RTN4: variants seen among roughly 807,000 people sequenced by gnomAD.
RTN4 encodes the protein reticulon-4.
A neutral mutation model predicts 90.4 loss-of-function variants in RTN4; 32 were observed. The observed-to-expected ratio is 0.35, with a 90% CI of 0.27 to 0.48. RTN4 has a LOEUF of 0.48. Ranked by LOEUF, RTN4 falls within the 20% of genes least tolerant of loss-of-function variation. The pLI, the probability that RTN4 is intolerant of heterozygous loss-of-function variation, is 0.99. For missense variants in RTN4, 1,706 were observed against 1,430.2 expected, an observed-to-expected ratio of 1.19 and a Z score of -3.11; for synonymous variants, 629 against 552.5, an observed-to-expected ratio of 1.14 and a Z score of -1.94.
chr2:55,013,982 A>T (rs1680842685), intron 3 of RTN4, among the ~76,000 whole-genome samples: 1 of 152,222 alleles, frequency 6.6e-6, no homozygotes. Context: ...CATGTTTTTT[A>T]AAAAATAAGA....
Position 54,972,641 on chromosome 2 carries a change from TAACAGTAA to T in RTN4, c.*507_*514del. 6.5e-6 allele frequency: 1 copy of T among 152,738 alleles called. No homozygotes were observed. The highest frequency in any genetic ancestry group is 3.2e-3 in the Middle Eastern group (1 of 316). 9.5% of individuals were successfully genotyped at this position (152,738 alleles called of 1,614,324 possible). Reference sequence around the variant, plus strand: ...TATTTACTTATATTGGCAATTAATATAACAGTAAAAGTCACAATACACCTAGAACATAC... The same window carrying T: ...TATTTACTTATATTGGCAATTAATATAAGTCACAATACACCTAGAACATAC... On this transcript the variant is annotated 3_prime_UTR_variant, in exon 9 of 9. Transcript: ENST00000337526.
In RTN4 at chr2:54,987,483, C is replaced by T. The variant is rs140361549; in HGVS notation, c.3221+8G>A. ...GCCAATGCATGCCTTGTTTTCCAGA[C>T]ATCTCACCTGAATGGGTGGCCTTCA... On this transcript the variant is annotated splice_region_variant and intron_variant, in intron 4 of 8. Coordinates refer to ENST00000337526, the MANE Select transcript of RTN4 (RefSeq NM_020532.5). 37 of 1,596,758 alleles carry T rather than the reference C, an allele frequency of 2.3e-5. No homozygotes were observed. In the African/African-American group the frequency reaches 3.7e-4, roughly 16 times the overall value.
chr2:55,031,060 G>A (rs1174950426), intron 1 of RTN4, among the ~76,000 whole-genome samples: 4 of 152,076 alleles, frequency 2.6e-5, no homozygotes, highest in African/African-American at 7.2e-5. Flanking sequence ...TTTCACATAC[G>A]AGAAAAGAGG....
chr2:55,078,261 T>C lies in RTN4; in HGVS notation c.-63+2228A>G, dbSNP rs563817983. Among the ~76,000 whole-genome samples, 26 of 152,320 alleles carry C rather than the reference T, an allele frequency of 1.7e-4. No individual in the cohort carries two copies. In the South Asian group the frequency reaches 5.2e-3, roughly 30 times the overall value. ...TTTATTTTTTTAAATTTACTATTTTTTGAGGCTTGCTCTGCTGCCCAGGCT... is the reference window on the plus strand; with the variant it reads ...TTTATTTTTTTAAATTTACTATTTTCTGAGGCTTGCTCTGCTGCCCAGGCT... On this transcript the variant is annotated intron_variant, in intron 2 of 3. Transcript: ENST00000427710.
intron 1 of RTN4, among the ~76,000 whole-genome samples, chr2:55,109,155 G>T (rs2972089): frequency 6.6e-6 from 1 of 151,712 alleles, no homozygotes; most frequent in Non-Finnish European, 1.5e-5. Context: ...ATACTGAAAT[G>T]AAAAAAACAG....
intron 3 of RTN4, among the ~76,000 whole-genome samples, chr2:54,994,243 T>A (rs1679242145): frequency 1.3e-5 from 2 of 152,172 alleles, no homozygotes; most frequent in African/African-American, 2.4e-5. Flanking sequence ...GTTTGTTCAA[T>A]CCTGATACCA....
At chr2:55,080,682 C>A (rs571612609) in intron 1 of RTN4, 1 of 152,252 alleles carries the variant, frequency 6.6e-6, no homozygotes, top group South Asian at 2.1e-4. Context: ...ATACTGAAAC[C>A]GTCTTTCTAA....
the RTN4 span, among the ~76,000 whole-genome samples, chr2:55,137,097 A>G: frequency 6.6e-6 from 1 of 152,204 alleles, no homozygotes; most frequent in African/African-American, 2.4e-5. Flanking sequence ...GGAAGCACGC[A>G]CTTCCGTCTG....
Position 55,071,543 on chromosome 2 carries a change from CAAAAA to C in RTN4, c.-63+8941_-63+8945del, listed in dbSNP as rs71410418. On this transcript the variant is annotated intron_variant, in intron 2 of 3. Transcript: ENST00000427710. The stretch of plus-strand genomic sequence containing the variant: ...GTATAGGAGAGGCACCATTTGCCAT[CAAAAA>C]AAAAAAAAAAAAAAAAAGCCAGTCA... 8.0e-5 allele frequency among the ~76,000 whole-genome samples: 8 copies of C among 99,512 alleles called. 1 individual carries two copies. The highest frequency in any genetic ancestry group is 1.2e-4 in the Admixed American group (1 of 8,306). 65.3% of individuals were successfully genotyped at this position (99,512 alleles called of 152,430 possible).
the RTN4 span, among the ~76,000 whole-genome samples, chr2:55,131,183 TCCTCC>T: frequency 6.6e-6 from 1 of 151,500 alleles, no homozygotes; most frequent in Non-Finnish European, 1.5e-5. Flanking sequence ...GCTCAAGTGA[TCCTCC>T]TTTTAACAAG....
chr2:55,073,075 T>G (rs1486656207), intron 2 of RTN4, among the ~76,000 whole-genome samples: 2 of 152,218 alleles, frequency 1.3e-5, no homozygotes, highest in Non-Finnish European at 2.9e-5. Flanking sequence ...GAGGCCAGAC[T>G]GGGTTTTACA....
At chr2:54,975,688 T>C (rs1044119663) in intron 5 of RTN4, among the ~76,000 whole-genome samples, 1 of 152,212 alleles carries the variant, frequency 6.6e-6, no homozygotes, top group Non-Finnish European at 1.5e-5. Context: ...CTAAAGCATA[T>C]ATCTTTCTCC....
intron 3 of RTN4, among the ~76,000 whole-genome samples, chr2:54,993,477 A>C (rs1679185815): frequency 6.6e-6 from 1 of 152,242 alleles, no homozygotes; most frequent in Non-Finnish European, 1.5e-5. Flanking sequence ...TCCCAAAGTT[A>C]ATGATACCAG....
At chr2:55,137,444 T>G in the RTN4 span, among the ~76,000 whole-genome samples, 1 of 152,092 alleles carries the variant, frequency 6.6e-6, no homozygotes, top group African/African-American at 2.4e-5. Context: ...CTGGACCACG[T>G]CAGTGGGAAT....
intron 1 of RTN4, among the ~76,000 whole-genome samples, chr2:55,104,097 C>T (rs1233887453): frequency 6.6e-6 from 1 of 151,560 alleles, no homozygotes; most frequent in East Asian, 1.9e-4. Context: ...GTTGCCCAGT[C>T]TGGAGTGCAG....
At chr2:54,973,937 TATTAAACTGGCAACTCAAG>T in intron 6 of RTN4, 70 bp from the exon 7 acceptor site, 4 of 1,350,546 alleles carry the variant, frequency 3.0e-6, no homozygotes, top group Non-Finnish European at 4.2e-6. Context: ...CTCAAAAAAC[TATTAAACTGGCAACTCAAG>T]ATAACCAAGC....
At chr2:55,022,292 C>G (rs1348284967) in intron 3 of RTN4, among the ~76,000 whole-genome samples, 3 of 152,140 alleles carry the variant, frequency 2.0e-5, no homozygotes, top group Non-Finnish European at 4.4e-5. Context: ...TTCTGAGACC[C>G]TTCTTTCTAC....
chr2:54,973,794 G>T, intron 7 of RTN4, 27 bp downstream of exon 7: 1 of 1,604,752 alleles, frequency 6.2e-7, no homozygotes, highest in South Asian at 1.1e-5. Flanking sequence ...GCTCTATTCT[G>T]AAGTCAGCAG....
the RTN4 span, among the ~76,000 whole-genome samples, chr2:55,130,137 A>G: frequency 6.6e-6 from 1 of 152,246 alleles, no homozygotes; most frequent in African/African-American, 2.4e-5. Context: ...TTAATAAGTT[A>G]TGGAACAGTC....
Sources: gnomAD v4.1 joint callset for allele counts (sites outside exome capture counted in the v4.1 genomes callset) on GRCh38, gnomAD v4.1.1 for gene constraint, MANE v1.5 for transcripts, NCBI Gene and HGNC (gene_info 2026-07-23, HGNC 2026-07-21) for gene names.